Variants in SMYD3 observed in about 807,000 individuals in gnomAD.
SMYD3 encodes the protein histone-lysine N-methyltransferase SMYD3.
SMYD3 carries 36 observed loss-of-function variants against 57.7 expected under a neutral mutation model. That is an observed-to-expected ratio of 0.62 (90% CI 0.48 to 0.82). SMYD3 has a LOEUF of 0.82. SMYD3 is among the 40% of genes least tolerant of loss of function. The pLI, the probability that SMYD3 is intolerant of heterozygous loss-of-function variation, is 0.00. For synonymous variants in SMYD3, 211 were observed against 195.0 expected, an observed-to-expected ratio of 1.08 and a Z score of -0.68; for missense variants, 515 against 538.8, an observed-to-expected ratio of 0.96 and a Z score of 0.44.
intron 5 of SMYD3, among the ~76,000 whole-genome samples, chr1:246,110,767 C>T (rs35015067): frequency 0.47 from 71,383 of 152,136 alleles, 20,726 homozygotes; most frequent in Non-Finnish European, 0.66. Flanking sequence ...GAGTTGCGCG[C>T]CTGCGCTACA....
chr1:246,238,825 T>C (rs1178695182), intron 5 of SMYD3, among the ~76,000 whole-genome samples: 1 of 152,036 alleles, frequency 6.6e-6, no homozygotes, highest in Non-Finnish European at 1.5e-5. Flanking sequence ...TTTCTATCAC[T>C]GCCTTCTTAC....
intron 5 of SMYD3, among the ~76,000 whole-genome samples, chr1:246,111,692 C>A (rs1338675386): frequency 6.6e-6 from 1 of 152,184 alleles, no homozygotes; most frequent in African/African-American, 2.4e-5. Flanking sequence ...CGGTGCACAT[C>A]CCCTTTGCGT....
intron 8 of SMYD3, among the ~76,000 whole-genome samples, chr1:245,865,045 G>A (rs1376595706): frequency 6.6e-6 from 1 of 152,216 alleles, no homozygotes; most frequent in Non-Finnish European, 1.5e-5. Context: ...ATCTAGCACA[G>A]TGCCTGGCAC....
At chr1:246,481,621 T>TATATATACACACAC (rs1307881494) in intron 1 of SMYD3, among the ~76,000 whole-genome samples, 3 of 98,548 alleles carry the variant, frequency 3.0e-5, no homozygotes, top group African/African-American at 1.1e-4. Flanking sequence ...CATACATATA[T>TATATATACACACAC]ACATACATAC....
intron 5 of SMYD3, among the ~76,000 whole-genome samples, chr1:246,015,030 A>G (rs2059352873): frequency 6.6e-6 from 1 of 152,090 alleles, no homozygotes; most frequent in Admixed American, 6.5e-5. Flanking sequence ...TGCGGGCCCA[A>G]CAGATGGTCC....
chr1:246,303,534 ACT>A (rs990703043), intron 5 of SMYD3, among the ~76,000 whole-genome samples: 14 of 151,948 alleles, frequency 9.2e-5, no homozygotes, highest in South Asian at 2.1e-4. Context: ...TAGTTGTTAT[ACT>A]CTTTTTTAAA....
intron 5 of SMYD3, among the ~76,000 whole-genome samples, chr1:246,061,276 A>G (rs2060247961): frequency 6.6e-6 from 1 of 152,184 alleles, no homozygotes; most frequent in Admixed American, 6.5e-5. Context: ...TGTAAAAATA[A>G]CTGCAAAAAG....
rs57816539 is a variant in SMYD3 at position 246,158,732 on chromosome 1, T to G, written c.531+168469A>C. On this transcript the variant is annotated intron_variant, in intron 5 of 11. Transcript: ENST00000490107. ...AAGGGATATAATCACTCCAACACCATGAATTCCACCTTAATTTTCCTCTCC... is the reference window on the plus strand; with the variant it reads ...AAGGGATATAATCACTCCAACACCAGGAATTCCACCTTAATTTTCCTCTCC... Among the ~76,000 whole-genome samples the G allele has an allele frequency of 0.018, 2,681 of 152,206 alleles. 222 individuals are homozygous for G. In the East Asian group the frequency reaches 0.25, roughly 14 times the overall value.
intron 1 of SMYD3, among the ~76,000 whole-genome samples, chr1:246,374,910 T>G (rs2066249116): frequency 6.6e-6 from 1 of 151,896 alleles, no homozygotes; most frequent in Non-Finnish European, 1.5e-5. Flanking sequence ...CTGGCCAACA[T>G]GGTGAAACCT....
Position 246,355,103 on chromosome 1 carries a change from A to G in SMYD3, c.165-9T>C. ...GCATCAGCTTTTCCTTCCTGTGGGG[A>G]AAAAAATTAATTCTGCATTAAGAAA... On this transcript the variant is annotated splice_polypyrimidine_tract_variant and intron_variant, in intron 1 of 11. Coordinates refer to ENST00000490107, the MANE Select transcript of SMYD3 (RefSeq NM_001167740.2). This position sits in a 1 kb window ranked among gnomAD's most constrained non-coding sequence, Gnocchi z 5.0. The G allele has an allele frequency of 1.2e-6, 2 of 1,612,872 alleles. No homozygotes were observed. The highest frequency in any genetic ancestry group is 8.5e-7 in the Non-Finnish European group (1 of 1,179,004).
At chr1:246,015,839 C>T (rs997012108) in intron 5 of SMYD3, among the ~76,000 whole-genome samples, 3 of 152,172 alleles carry the variant, frequency 2.0e-5, no homozygotes, top group East Asian at 1.9e-4. Context: ...TTGATAGACA[C>T]GTGGGTTGCT....
At chr1:245,857,783 C>T (rs1279122598) in intron 10 of SMYD3, among the ~76,000 whole-genome samples, 1 of 152,170 alleles carries the variant, frequency 6.6e-6, no homozygotes, top group Non-Finnish European at 1.5e-5. Flanking sequence ...TCTCAGCCGA[C>T]TGCAAATCAG....
intron 10 of SMYD3, among the ~76,000 whole-genome samples, chr1:245,789,803 T>C (rs751670609): frequency 3.3e-4 from 51 of 152,262 alleles, no homozygotes; most frequent in Non-Finnish European, 6.0e-4. Flanking sequence ...TTGTACTTTC[T>C]AGCTGGCAAT....
At chr1:246,115,071 T>C (rs2061321767) in intron 5 of SMYD3, among the ~76,000 whole-genome samples, 1 of 152,162 alleles carries the variant, frequency 6.6e-6, no homozygotes, top group Non-Finnish European at 1.5e-5. Flanking sequence ...GTTGAGAGTA[T>C]AGGGAGACCA....
intron 1 of SMYD3, among the ~76,000 whole-genome samples, chr1:246,454,250 A>ATCAG (rs755908693): frequency 2.6e-5 from 4 of 152,130 alleles, no homozygotes; most frequent in Non-Finnish European, 5.9e-5. Context: ...TAGCACCATA[A>ATCAG]TCAGTCAGTC....
intron 5 of SMYD3, among the ~76,000 whole-genome samples, chr1:246,239,753 T>C (rs1376764571): frequency 6.6e-6 from 1 of 152,094 alleles, no homozygotes; most frequent in Non-Finnish European, 1.5e-5. Context: ...CCAGCACCTG[T>C]TGTTTCCTGA....
chr1:246,058,152 T>C (rs886703742), intron 5 of SMYD3, among the ~76,000 whole-genome samples: 6 of 152,158 alleles, frequency 3.9e-5, no homozygotes, highest in South Asian at 4.1e-4. Context: ...TAAAGGTAAA[T>C]ACATATCAGT....
chr1:245,861,465 C>T (rs2051543067), intron 9 of SMYD3, among the ~76,000 whole-genome samples: 1 of 152,214 alleles, frequency 6.6e-6, no homozygotes, highest in Non-Finnish European at 1.5e-5. Context: ...GACTGTCAGA[C>T]CACAGAGCTT....
At chr1:246,208,982 T>C (rs1028364707) in intron 5 of SMYD3, among the ~76,000 whole-genome samples, 1 of 152,178 alleles carries the variant, frequency 6.6e-6, no homozygotes, top group African/African-American at 2.4e-5. Context: ...TATTTCGCTG[T>C]TGAGTATAGT....
Sources: allele counts gnomAD v4.1 joint callset (sites outside exome capture counted in the v4.1 genomes callset), GRCh38; gene constraint gnomAD v4.1.1; non-coding constraint Gnocchi (gnomAD v3.1); transcripts MANE v1.5; gene names NCBI Gene and HGNC (gene_info 2026-07-23, HGNC 2026-07-21).